Variants in PAPSS2 observed in about 807,000 individuals in gnomAD.
PAPSS2 encodes bifunctional 3'-phosphoadenosine 5'-phosphosulfate synthase 2.
PAPSS2 carries 61 observed loss-of-function variants against 66.5 expected under a neutral mutation model. The observed-to-expected ratio is 0.92, with a 90% CI of 0.75 to 1.14. PAPSS2 has a LOEUF of 1.14. Ranked by LOEUF, PAPSS2 falls within the 50% of genes most tolerant of loss-of-function variation. The pLI is 0.00. For missense variants in PAPSS2, 708 were observed against 789.6 expected (o/e 0.90, Z 1.24); for synonymous variants, 289 against 287.5 (o/e 1.01, Z -0.05).
intron 1 of PAPSS2, among the ~76,000 whole-genome samples, chr10:87,670,672 A>T (rs1031595450): frequency 3.9e-5 from 6 of 151,980 alleles, no homozygotes; most frequent in Non-Finnish European, 7.4e-5. Flanking sequence ...ACTGGAGAGG[A>T]GCTGCATTAT....
intron 1 of PAPSS2, among the ~76,000 whole-genome samples, chr10:87,699,217 G>A (rs1365330326): frequency 8.4e-6 from 1 of 119,334 alleles, no homozygotes; most frequent in East Asian, 2.4e-4. Context: ...TCAGTGTAGA[G>A]CTCACTGCAT....
At chr10:87,717,715 A>G (rs1853549083) in intron 7 of PAPSS2, among the ~76,000 whole-genome samples, 2 of 152,110 alleles carry the variant, frequency 1.3e-5, no homozygotes, top group African/African-American at 4.8e-5. Context: ...GGCATGTACC[A>G]CCATGCCTGG....
chr10:87,722,114 G>T (rs10887745), intron 8 of PAPSS2, among the ~76,000 whole-genome samples: 76,262 of 152,012 alleles, frequency 0.5, 20,074 homozygotes, highest in East Asian at 0.71. Flanking sequence ...GTTTCACAAA[G>T]CTGGAAATTT....
intron 1 of PAPSS2, among the ~76,000 whole-genome samples, chr10:87,707,042 C>T (rs1853400086): frequency 1.3e-5 from 2 of 152,172 alleles, no homozygotes; most frequent in Admixed American, 6.5e-5. Context: ...GTGCCTTTAA[C>T]CACCTTCCTC....
At chr10:87,670,949 G>T (rs1340166168) in intron 1 of PAPSS2, among the ~76,000 whole-genome samples, 2 of 152,160 alleles carry the variant, frequency 1.3e-5, no homozygotes, top group Non-Finnish European at 2.9e-5. Flanking sequence ...ATTCAGGAAG[G>T]CACCTTGTGT....
intron 2 of PAPSS2, among the ~76,000 whole-genome samples, chr10:87,709,830 A>G (rs1302792319): frequency 6.6e-6 from 1 of 152,234 alleles, no homozygotes; most frequent in Non-Finnish European, 1.5e-5. Context: ...AAGGAAAACT[A>G]GCAATTTCCA....
At chr10:87,685,922 T>G (rs543139928) in intron 1 of PAPSS2, among the ~76,000 whole-genome samples, 1 of 152,178 alleles carries the variant, frequency 6.6e-6, no homozygotes, top group African/African-American at 2.4e-5. Context: ...GTTCTATTTC[T>G]GCATCTCTCC....
intron 1 of PAPSS2, among the ~76,000 whole-genome samples, chr10:87,663,655 C>T (rs1343645923): frequency 2.6e-5 from 4 of 152,130 alleles, no homozygotes; most frequent in African/African-American, 9.7e-5. Flanking sequence ...TCTTGACCCC[C>T]TCCGTACTTC....
chr10:87,726,395 A>G (rs1382303995), intron 8 of PAPSS2, among the ~76,000 whole-genome samples: 1 of 152,204 alleles, frequency 6.6e-6, no homozygotes, highest in Non-Finnish European at 1.5e-5. Context: ...GTGCCAGTGA[A>G]CTCCAGCCTG....
intron 1 of PAPSS2, among the ~76,000 whole-genome samples, chr10:87,682,399 A>G (rs1347888388): frequency 1.3e-5 from 2 of 152,208 alleles, no homozygotes; most frequent in Non-Finnish European, 2.9e-5. Context: ...AATAACCAAC[A>G]TTCAAACAAG....
intron 1 of PAPSS2, among the ~76,000 whole-genome samples, chr10:87,707,372 A>G (rs1036883325): frequency 4.6e-5 from 7 of 152,152 alleles, no homozygotes; most frequent in Admixed American, 4.6e-4. Context: ...ATTCCAGCCT[A>G]TCTGGTTTGG....
At chr10:87,679,290 T>TG (rs1564710226) in intron 1 of PAPSS2, among the ~76,000 whole-genome samples, 4 of 151,832 alleles carry the variant, frequency 2.6e-5, no homozygotes. Context: ...TTGGTTAGGG[T>TG]GGGGAGATGA....
At chr10:87,682,016 G>C (rs999219786) in intron 1 of PAPSS2, among the ~76,000 whole-genome samples, 2 of 152,184 alleles carry the variant, frequency 1.3e-5, no homozygotes, top group African/African-American at 4.8e-5. Context: ...TTGAAGCGTG[G>C]CTAGATAAAT....
intron 1 of PAPSS2, among the ~76,000 whole-genome samples, chr10:87,666,880 C>T (rs1035881106): frequency 7.2e-5 from 11 of 152,012 alleles, no homozygotes; most frequent in African/African-American, 2.7e-4. Context: ...CTGAAACCCA[C>T]CCTCTTTTCC....
chr10:87,717,360 A>G (rs1170490149), intron 7 of PAPSS2, among the ~76,000 whole-genome samples: 1 of 152,152 alleles, frequency 6.6e-6, no homozygotes, highest in Non-Finnish European at 1.5e-5. Context: ...TCCTCTCATA[A>G]AGAAAAATAC....
chr10:87,688,608 C>T (rs992483555), intron 1 of PAPSS2, among the ~76,000 whole-genome samples: 18 of 151,766 alleles, frequency 1.2e-4, no homozygotes, highest in South Asian at 2.1e-4. Flanking sequence ...TACAGGCGCC[C>T]GCCACCACGC....
chr10:87,696,724 G>A (rs977682416), intron 1 of PAPSS2, among the ~76,000 whole-genome samples: 3 of 152,154 alleles, frequency 2.0e-5, no homozygotes, highest in East Asian at 1.9e-4. Context: ...ATGTGATCAC[G>A]AAGGATAAAG....
intron 1 of PAPSS2, among the ~76,000 whole-genome samples, chr10:87,670,099 T>C (rs1007931785): frequency 2.0e-5 from 3 of 152,238 alleles, no homozygotes; most frequent in African/African-American, 7.2e-5. Context: ...TCTTTCTTTA[T>C]GGTAACATAA....
chr10:87,733,165 C>A (rs979728833), intron 9 of PAPSS2, among the ~76,000 whole-genome samples: 1 of 152,206 alleles, frequency 6.6e-6, no homozygotes, highest in African/African-American at 2.4e-5. Context: ...TTCCATGTGG[C>A]ACTGGGAGTG....
Sources: allele counts gnomAD v4.1 joint callset (sites outside exome capture counted in the v4.1 genomes callset), GRCh38; gene constraint gnomAD v4.1.1; transcripts MANE v1.5; gene names NCBI Gene and HGNC (gene_info 2026-07-23, HGNC 2026-07-21).